Variants in EFHC1 observed in about 807,000 individuals in gnomAD.
EFHC1 encodes EF-hand domain containing 1.
EFHC1 carries 53 observed loss-of-function variants against 69.9 expected under a neutral mutation model. The observed-to-expected ratio is 0.76, with a 90% CI of 0.61 to 0.95. The LOEUF is 0.95. Ranked by LOEUF, EFHC1 falls within the 40% of genes least tolerant of loss-of-function variation. The probability of loss-of-function intolerance (pLI) is 0.00; values close to 1 mark genes in which losing one functional copy is unlikely to be tolerated. For missense variants in EFHC1, 739 were observed against 798.7 expected (o/e 0.93, Z 0.90); for synonymous variants, 256 against 278.4 (o/e 0.92, Z 0.80).
At chr6:52,433,849 T>A (rs913122033) in intron 2 of EFHC1, among the ~76,000 whole-genome samples, 7 of 152,280 alleles carry the variant, frequency 4.6e-5, no homozygotes, top group Non-Finnish European at 1.0e-4. Flanking sequence ...CAGGTCTTGC[T>A]GTGGCTGCTG....
chr6:52,495,857 C>T lies in EFHC1; in HGVS notation c.*3516C>T, dbSNP rs1239033918. On this transcript the variant is annotated 3_prime_UTR_variant, in exon 11 of 11. Transcript: ENST00000371068. ...AGACTGAGAAGCTGAGATCTGACAG[C>T]ACCAACACAAGGTATAAAAGAGATT... The T allele has an allele frequency of 6.1e-5, 21 of 342,444 alleles. No homozygotes were observed. The East Asian group carries it at 1.6e-3, about 26-fold the overall frequency. 21.2% of individuals were successfully genotyped at this position (342,444 alleles called of 1,614,324 possible).
chr6:52,440,100 A>G (rs1764627263), intron 3 of EFHC1, among the ~76,000 whole-genome samples: 2 of 152,072 alleles, frequency 1.3e-5, no homozygotes, highest in African/African-American at 2.4e-5. Context: ...AGTAATTAGG[A>G]CTATAAAGTC....
At chr6:52,485,704 A>G (rs1765772101) in intron 9 of EFHC1, 1 of 152,170 alleles carries the variant, frequency 6.6e-6, no homozygotes, top group Non-Finnish European at 1.5e-5. Flanking sequence ...TTCTCTTATC[A>G]TGTGATCTCT....
chr6:52,454,004 T>A, intron 4 of EFHC1, 91 bp from the exon 5 acceptor site: 1 of 1,604,014 alleles, frequency 6.2e-7, no homozygotes, highest in Non-Finnish European at 8.5e-7. Context: ...TTCCAGCTAG[T>A]CTTTCCATCG....
At chr6:52,425,542 C>T (rs1764284028) in intron 2 of EFHC1, among the ~76,000 whole-genome samples, 1 of 152,080 alleles carries the variant, frequency 6.6e-6, no homozygotes, top group African/African-American at 2.4e-5. Context: ...TGTTATTTTA[C>T]ACTAATTGTT....
intron 3 of EFHC1, among the ~76,000 whole-genome samples, chr6:52,448,327 T>G (rs1764835767): frequency 6.6e-6 from 1 of 152,194 alleles, no homozygotes; most frequent in Non-Finnish European, 1.5e-5. Flanking sequence ...CACGCTGCTG[T>G]GCTAGCAGTG....
At position 52,493,261 on chromosome 6, in the gene EFHC1, C is replaced by G. The variant is rs992527937; in HGVS notation, c.*920C>G. Reference sequence around the variant, plus strand: ...TCAGACTGGAATTATACCTTTAGCTCTCCTGGGTCTCCAGCTTGCCAATTT... The same window carrying G: ...TCAGACTGGAATTATACCTTTAGCTGTCCTGGGTCTCCAGCTTGCCAATTT... On this transcript the variant is annotated 3_prime_UTR_variant, in exon 11 of 11. Coordinates refer to ENST00000371068, the MANE Select transcript of EFHC1 (RefSeq NM_018100.4). 4.4e-6 allele frequency: 2 copies of G among 452,530 alleles called. No homozygotes were observed. Among genetic ancestry groups the G allele is most frequent in the African/African-American group, 4.0e-5 (2 of 49,478 alleles). 28.0% of individuals were successfully genotyped at this position (452,530 alleles called of 1,614,324 possible).
chr6:52,422,150 A>G (rs1764204445), intron 1 of EFHC1, among the ~76,000 whole-genome samples: 1 of 152,230 alleles, frequency 6.6e-6, no homozygotes, highest in Non-Finnish European at 1.5e-5. Context: ...TTAAAAAAAG[A>G]CACACAGAAG....
rs1373223941 is a variant in EFHC1 at position 52,424,077 on chromosome 6, G to C, written c.195G>C (p.Leu65Phe). 1 of 1,614,092 alleles carries C rather than the reference G, an allele frequency of 6.2e-7. No individual in the cohort carries two copies. Among genetic ancestry groups the C allele is most frequent in the Non-Finnish European group, 8.5e-7 (1 of 1,180,022 alleles). ...NQLSQAELDELASKAPVLTYG... is the reference protein window; with the variant it reads ...NQLSQAELDEFASKAPVLTYG... ...TGTCCCAGGCTGAGCTGGATGAGTT[G>C]GCCAGTAAGGCACCAGTCTTAACTT... The change falls in exon 2 of 11, where the codon TTG becomes TTC. Residue 65 changes from leucine to phenylalanine, a missense_variant. Transcript: ENST00000371068.
intron 2 of EFHC1, chr6:52,429,838 CCATTATTTGTTT>C (rs1764379476): frequency 6.6e-6 from 1 of 151,932 alleles, no homozygotes; most frequent in Non-Finnish European, 1.5e-5. Context: ...GAATGTGTTT[CCATTATTTGTTT>C]CATTATTTGT....
intron 6 of EFHC1, among the ~76,000 whole-genome samples, chr6:52,465,471 GA>G (rs1007394919): frequency 2.0e-5 from 3 of 151,744 alleles, no homozygotes; most frequent in African/African-American, 4.8e-5. Flanking sequence ...ATTTTATTTT[GA>G]AAAAAATAAA....
At chr6:52,443,698 CTA>C (rs1764717374) in intron 3 of EFHC1, among the ~76,000 whole-genome samples, 1 of 151,716 alleles carries the variant, frequency 6.6e-6, no homozygotes. Context: ...TAGCCTTGTA[CTA>C]TAGTTTGAAG....
rs1765925190 is a variant in EFHC1, at chr6:52,492,398, C to T, written c.*57C>T. The T allele has an allele frequency of 2.0e-6, 3 of 1,494,926 alleles. No individual in the cohort carries two copies. The highest frequency in any genetic ancestry group is 3.4e-5 in the Admixed American group (2 of 59,418). The allele number at this position is 1,494,926 out of a possible 1,614,324, so 92.6% of individuals were successfully genotyped here. A position where few individuals can be genotyped will look rare whatever the true frequency, so the allele number is the denominator to read the frequency against. On this transcript the variant is annotated 3_prime_UTR_variant, in exon 11 of 11. Coordinates refer to ENST00000371068, the MANE Select transcript of EFHC1 (RefSeq NM_018100.4). ...GATACTGGAACTATGCTTTGAAATACACCTTACACTCTTCATAGAGGCATT... is the reference window on the plus strand; with the variant it reads ...GATACTGGAACTATGCTTTGAAATATACCTTACACTCTTCATAGAGGCATT...
chr6:52,440,316 G>A (rs754731555), intron 3 of EFHC1, among the ~76,000 whole-genome samples: 5 of 152,052 alleles, frequency 3.3e-5, no homozygotes, highest in South Asian at 2.1e-4. Context: ...TATAACTCAC[G>A]TCTGAACAAA....
At chr6:52,438,668 G>C in intron 3 of EFHC1, 77 bp downstream of exon 3, 1 of 1,500,038 alleles carries the variant, frequency 6.7e-7, no homozygotes, top group Non-Finnish European at 9.3e-7. Flanking sequence ...TCATTTATTA[G>C]GGTAAGGGGA....
At chr6:52,484,473 T>C (rs1765746476) in intron 9 of EFHC1, 1 of 152,314 alleles carries the variant, frequency 6.6e-6, no homozygotes, top group Middle Eastern at 3.4e-3. Context: ...TTTACATTTT[T>C]GCAAACCTCT....
chr6:52,435,347 C>A, intron 2 of EFHC1, among the ~76,000 whole-genome samples: 1 of 152,076 alleles, frequency 6.6e-6, no homozygotes, highest in Non-Finnish European at 1.5e-5. Context: ...TTGCATTATC[C>A]TTGAATGTTC....
At chr6:52,459,089 A>G (rs1454711496) in intron 5 of EFHC1, among the ~76,000 whole-genome samples, 1 of 152,190 alleles carries the variant, frequency 6.6e-6, no homozygotes, top group Non-Finnish European at 1.5e-5. Flanking sequence ...AGGGAGAGGG[A>G]CAAGGGTTGA....
intron 9 of EFHC1, chr6:52,482,831 A>G: frequency 2.5e-6 from 1 of 398,598 alleles, no homozygotes; most frequent in Non-Finnish European, 4.4e-6. Context: ...ATTCTCTTGA[A>G]AGGCAGCTGT....
Sources: gnomAD v4.1 joint callset for allele counts (sites outside exome capture counted in the v4.1 genomes callset) on GRCh38, gnomAD v4.1.1 for gene constraint, MANE v1.5 for transcripts, NCBI Gene and HGNC (gene_info 2026-07-23, HGNC 2026-07-21) for gene names.